Variants in RANBP2 observed in about 807,000 individuals in gnomAD.
The protein encoded by RANBP2 is RAN binding protein 2, also known as E3 SUMO-protein ligase RanBP2.
A neutral mutation model predicts 303.6 loss-of-function variants in RANBP2; 57 were observed. The ratio of observed to expected loss-of-function variants is 0.19; its 90% CI spans 0.15 to 0.23. RANBP2 has a LOEUF of 0.23. RANBP2 is among the 10% of genes least tolerant of loss of function. The pLI is 1.00. For synonymous variants in RANBP2, 1,167 were observed against 1,301.5 expected, an observed-to-expected ratio of 0.90 and a Z score of 2.23; for missense variants, 3,138 against 3,780.8, an observed-to-expected ratio of 0.83 and a Z score of 4.46.
At chr2:109,143,472 G>A in the RANBP2 span, among the ~76,000 whole-genome samples, 1 of 152,212 alleles carries the variant, frequency 6.6e-6, no homozygotes, top group Non-Finnish European at 1.5e-5. Flanking sequence ...GCTGGGTGCA[G>A]TGGCTCATGC....
the RANBP2 span, among the ~76,000 whole-genome samples, chr2:109,535,346 A>G: frequency 4.3e-4 from 65 of 152,176 alleles, no homozygotes; most frequent in Non-Finnish European, 8.5e-4. Flanking sequence ...AAGACCTAAA[A>G]ATGCACCAGC....
the RANBP2 span, among the ~76,000 whole-genome samples, chr2:109,170,239 TTTCTTTTCTC>T: frequency 0.082 from 10,988 of 133,248 alleles, 1,007 homozygotes; most frequent in Admixed American, 0.13. Flanking sequence ...CTTCTCTTCT[TTTCTTTTCTC>T]TTCTCTTCTC....
the RANBP2 span, among the ~76,000 whole-genome samples, chr2:108,813,975 GTTCC>G: frequency 2.0e-5 from 3 of 152,232 alleles, no homozygotes; most frequent in African/African-American, 7.2e-5. Flanking sequence ...ATCAGAGTTT[GTTCC>G]TTCATTCTTC....
chr2:109,105,899 G>C, the RANBP2 span, among the ~76,000 whole-genome samples: 4 of 146,852 alleles, frequency 2.7e-5, no homozygotes, highest in Non-Finnish European at 6.0e-5. Flanking sequence ...TGTCGCCCAG[G>C]CTGGAGTGCA....
chr2:108,992,899 C>G, the RANBP2 span, among the ~76,000 whole-genome samples: 1 of 152,308 alleles, frequency 6.6e-6, no homozygotes, highest in East Asian at 1.9e-4. Context: ...CCAGCTCTGT[C>G]AGTGGTAACC....
the RANBP2 span, among the ~76,000 whole-genome samples, chr2:109,193,861 G>T: frequency 6.6e-6 from 1 of 152,176 alleles, no homozygotes; most frequent in African/African-American, 2.4e-5. Flanking sequence ...CCCGGGGATG[G>T]GTTTTCTGAT....
chr2:109,150,060 A>G, the RANBP2 span, among the ~76,000 whole-genome samples: 2 of 152,136 alleles, frequency 1.3e-5, no homozygotes, highest in African/African-American at 2.4e-5. Flanking sequence ...ATCAGATTCA[A>G]CGGTCCCCAG....
chr2:109,327,949 A>G, the RANBP2 span, among the ~76,000 whole-genome samples: 1 of 152,244 alleles, frequency 6.6e-6, no homozygotes, highest in Non-Finnish European at 1.5e-5. Flanking sequence ...GTCTAGGACA[A>G]TGACCCTGTG....
the RANBP2 span, among the ~76,000 whole-genome samples, chr2:109,443,727 T>G: frequency 6.6e-6 from 1 of 152,094 alleles, no homozygotes. Context: ...ATACACCAAG[T>G]AACAGAACTT....
the RANBP2 span, among the ~76,000 whole-genome samples, chr2:109,495,477 C>CTT: frequency 0.022 from 2,052 of 94,098 alleles, 211 homozygotes; most frequent in Non-Finnish European, 0.025. Flanking sequence ...TCTTTCATTC[C>CTT]TTTTTTTTTT....
chr2:109,546,028 G>A, the RANBP2 span: 1 of 1,547,360 alleles, frequency 6.5e-7, no homozygotes, highest in Non-Finnish European at 8.7e-7. Context: ...GGGCTGCCAG[G>A]GAGGGTGGCT....
At chr2:109,189,393 G>A in the RANBP2 span, among the ~76,000 whole-genome samples, 1 of 147,576 alleles carries the variant, frequency 6.8e-6, no homozygotes, top group East Asian at 2.0e-4. Flanking sequence ...TTTTTTTTGA[G>A]ACGGAGTCTC....
the RANBP2 span, among the ~76,000 whole-genome samples, chr2:109,269,446 C>T: frequency 6.6e-6 from 1 of 152,160 alleles, no homozygotes; most frequent in East Asian, 1.9e-4. Flanking sequence ...AAGAATCCAG[C>T]CCCCCTTTCT....
the RANBP2 span, among the ~76,000 whole-genome samples, chr2:109,004,685 T>C: frequency 5.9e-4 from 90 of 152,324 alleles, no homozygotes; most frequent in Non-Finnish European, 1.0e-3. Context: ...CACTCTTGGT[T>C]CTAGCTCTTA....
chr2:109,132,353 A>T, the RANBP2 span, among the ~76,000 whole-genome samples: 1 of 152,070 alleles, frequency 6.6e-6, no homozygotes, highest in East Asian at 1.9e-4. Flanking sequence ...AAAAAGTTTT[A>T]ATTTCTGTTT....
the RANBP2 span, chr2:109,432,472 C>T: frequency 1.2e-6 from 2 of 1,611,278 alleles, no homozygotes; most frequent in Admixed American, 1.7e-5. Context: ...AGGGCTCCCA[C>T]TGACACTGGC....
At chr2:109,620,093 T>A in the RANBP2 span, among the ~76,000 whole-genome samples, 1 of 152,232 alleles carries the variant, frequency 6.6e-6, no homozygotes. Flanking sequence ...TCCACATCGA[T>A]GCATTGGTAA....
the RANBP2 span, among the ~76,000 whole-genome samples, chr2:109,258,003 CAT>C: frequency 0.45 from 68,364 of 151,506 alleles, 15,432 homozygotes; most frequent in African/African-American, 0.48. Flanking sequence ...TGTGCACACA[CAT>C]ACCCACATAC....
At chr2:109,188,962 G>A in the RANBP2 span, among the ~76,000 whole-genome samples, 2 of 151,796 alleles carry the variant, frequency 1.3e-5, no homozygotes, top group Non-Finnish European at 2.9e-5. Context: ...TGTTTGTGAA[G>A]TACTCTTTTC....
Sources: gnomAD v4.1 joint callset for allele counts (sites outside exome capture counted in the v4.1 genomes callset) on GRCh38, gnomAD v4.1.1 for gene constraint, MANE v1.5 for transcripts, NCBI Gene and HGNC (gene_info 2026-07-23, HGNC 2026-07-21) for gene names.